TMEM117: variants seen among roughly 807,000 people sequenced by gnomAD.
TMEM117 encodes transmembrane protein 117.
TMEM117 carries 27 observed loss-of-function variants against 52.4 expected under a neutral mutation model. The ratio of observed to expected loss-of-function variants is 0.51; its 90% confidence interval spans 0.38 to 0.71. The LOEUF (loss-of-function observed/expected upper bound fraction) is 0.71, where lower values mean the gene tolerates loss of function less well. TMEM117 is among the 30% of genes least tolerant of loss of function. The probability of loss-of-function intolerance (pLI) is 0.00; values close to 1 mark genes in which losing one functional copy is unlikely to be tolerated. For missense variants in TMEM117, 556 were observed against 630.5 expected, an observed-to-expected ratio of 0.88 and a Z score of 1.26; for synonymous variants, 215 against 206.3, an observed-to-expected ratio of 1.04 and a Z score of -0.36.
chr12:43,813,082 A>C, the TMEM117 span, among the ~76,000 whole-genome samples: 1 of 151,064 alleles, frequency 6.6e-6, no homozygotes, highest in Non-Finnish European at 1.5e-5. Context: ...TTTTCCCTTC[A>C]GGCTCCCAAG....
At chr12:44,084,342 A>G (rs1488267382) in intron 3 of TMEM117, among the ~76,000 whole-genome samples, 4 of 152,182 alleles carry the variant, frequency 2.6e-5, no homozygotes. Context: ...TACCTAAGCC[A>G]TTACTACCAT....
intron 3 of TMEM117, among the ~76,000 whole-genome samples, chr12:43,974,337 G>T (rs1018919450): frequency 6.6e-6 from 1 of 151,952 alleles, no homozygotes; most frequent in African/African-American, 2.4e-5. Context: ...TATTATAAAG[G>T]CTTTAGCATT....
intron 6 of TMEM117, among the ~76,000 whole-genome samples, chr12:44,370,643 C>T (rs1951851388): frequency 6.6e-6 from 1 of 151,768 alleles, no homozygotes; most frequent in Admixed American, 6.6e-5. Context: ...TCCGCCTCCC[C>T]AGTAGCTGGG....
the TMEM117 span, chr12:43,797,793 A>T: frequency 6.2e-7 from 1 of 1,613,524 alleles, no homozygotes; most frequent in South Asian, 1.1e-5. Context: ...TACTCCTTGT[A>T]GTGTTTGATG....
intron 2 of TMEM117, among the ~76,000 whole-genome samples, chr12:43,937,443 A>T (rs1441883063): frequency 2.0e-5 from 3 of 152,200 alleles, no homozygotes; most frequent in Non-Finnish European, 4.4e-5. Flanking sequence ...AAATTGGAGA[A>T]AACGAACTGT....
At chr12:43,983,678 G>A (rs772919253) in intron 3 of TMEM117, among the ~76,000 whole-genome samples, 3 of 151,114 alleles carry the variant, frequency 2.0e-5, no homozygotes, top group Non-Finnish European at 4.4e-5. Context: ...GTGTGAACAG[G>A]AGGGAATTAA....
intron 4 of TMEM117, among the ~76,000 whole-genome samples, chr12:44,155,889 C>A (rs986804504): frequency 2.0e-5 from 3 of 151,990 alleles, no homozygotes; most frequent in African/African-American, 7.2e-5. Flanking sequence ...AAGAACAGCA[C>A]AGCACAGGGC....
chr12:44,164,665 TAAG>T (rs1469070347), intron 4 of TMEM117, among the ~76,000 whole-genome samples: 2 of 152,188 alleles, frequency 1.3e-5, no homozygotes, highest in African/African-American at 4.8e-5. Flanking sequence ...TGGGATATAA[TAAG>T]AGGATTTCTG....
At chr12:43,803,378 C>T in the TMEM117 span, among the ~76,000 whole-genome samples, 2 of 152,036 alleles carry the variant, frequency 1.3e-5, no homozygotes, top group African/African-American at 4.8e-5. Context: ...AAAGGGGATG[C>T]TCTTATACCA....
In TMEM117 at chr12:43,912,534, T is replaced by TATATATATATATAA. The variant is rs1239034268; in HGVS notation, c.278-31674_278-31673insATATATATATAAAT. On this transcript the variant is annotated intron_variant, in intron 2 of 7. Transcript: ENST00000266534. Reference sequence around the variant, plus strand: ...ATATATATATATATATATATATATATATGGCAGAATGAAAGCTCCATGTGG... The same window carrying TATATATATATATAA: ...ATATATATATATATATATATATATATATATATATATATAAATGGCAGAATGAAAGCTCCATGTGG... Among the ~76,000 whole-genome samples the TATATATATATATAA allele has an allele frequency of 3.1e-5, 4 of 130,058 alleles. 1 individual carries two copies. The highest frequency in any genetic ancestry group is 8.6e-5 in the African/African-American group (3 of 34,826). The allele number at this position is 130,058 out of a possible 152,430, so 85.3% of individuals were successfully genotyped here.
intron 4 of TMEM117, among the ~76,000 whole-genome samples, chr12:44,155,970 T>C (rs1444763901): frequency 6.6e-6 from 1 of 151,946 alleles, no homozygotes; most frequent in East Asian, 1.9e-4. Context: ...CTGTAAAAGG[T>C]TGGTTCTCCC....
rs1209075111 is a variant in TMEM117 at position 43,912,507 on chromosome 12, T to TTTTATATATATATATATATATATA, written c.278-31702_278-31701insTTATATATATATATATATATATAT. On this transcript the variant is annotated intron_variant, in intron 2 of 7. Transcript: ENST00000266534. ...AAACTTAAAGTATAATAATAATAAT[T>TTTTATATATATATATATATATATA]TATATATATATATATATATATATAT... Among the ~76,000 whole-genome samples the TTTTATATATATATATATATATATA allele has an allele frequency of 4.5e-5, 6 of 132,096 alleles. No individual in the cohort carries two copies. In the East Asian group the frequency reaches 6.1e-4, roughly 13 times the overall value. The allele number at this position is 132,096 out of a possible 152,430, so 86.7% of individuals were successfully genotyped here.
chr12:44,012,374 T>G (rs1946306542), intron 3 of TMEM117, among the ~76,000 whole-genome samples: 1 of 151,896 alleles, frequency 6.6e-6, no homozygotes, highest in African/African-American at 2.4e-5. Flanking sequence ...TCATTGTTGC[T>G]TCAAATATTG....
intron 2 of TMEM117, among the ~76,000 whole-genome samples, chr12:43,849,437 T>G (rs1943267647): frequency 2.0e-5 from 3 of 152,226 alleles, no homozygotes; most frequent in African/African-American, 7.2e-5. Flanking sequence ...ACATTTGGTT[T>G]TGTAATTGCA....
At chr12:44,258,146 C>A (rs886191059) in intron 5 of TMEM117, among the ~76,000 whole-genome samples, 2 of 152,040 alleles carry the variant, frequency 1.3e-5, no homozygotes, top group South Asian at 2.1e-4. Flanking sequence ...GCTACCAAAG[C>A]ATTAGGTGGG....
intron 4 of TMEM117, among the ~76,000 whole-genome samples, chr12:44,148,286 G>T (rs1420803256): frequency 6.6e-6 from 1 of 152,110 alleles, no homozygotes; most frequent in East Asian, 1.9e-4. Flanking sequence ...TTGAAAGTTG[G>T]AGTTTCATTA....
At chr12:43,985,057 A>G (rs1945825729) in intron 3 of TMEM117, among the ~76,000 whole-genome samples, 1 of 152,152 alleles carries the variant, frequency 6.6e-6, no homozygotes, top group Non-Finnish European at 1.5e-5. Context: ...TTAATAAACT[A>G]GGAATCATTT....
chr12:44,250,170 T>C (rs1475643520), intron 5 of TMEM117, among the ~76,000 whole-genome samples: 1 of 151,932 alleles, frequency 6.6e-6, no homozygotes, highest in Non-Finnish European at 1.5e-5. Flanking sequence ...CATCAAAAAG[T>C]GGGCAAAGGA....
intron 3 of TMEM117, among the ~76,000 whole-genome samples, chr12:44,107,194 G>GA (rs1385405728): frequency 6.6e-6 from 1 of 152,004 alleles, no homozygotes; most frequent in Non-Finnish European, 1.5e-5. Context: ...GTAAAACTAA[G>GA]AAAATTGAAG....
Sources: allele counts gnomAD v4.1 joint callset (sites outside exome capture counted in the v4.1 genomes callset), GRCh38; gene constraint gnomAD v4.1.1; transcripts MANE v1.5; gene names NCBI Gene and HGNC (gene_info 2026-07-23, HGNC 2026-07-21).